The following DENND1B variants were observed in gnomAD, a reference collection of about 807,000 sequenced individuals.
The protein encoded by DENND1B is DENN domain containing 1B, also known as DENN domain-containing protein 1B.
Under a neutral mutation model 90.1 loss-of-function variants are expected in DENND1B, and 59 were observed. The ratio of observed to expected loss-of-function variants is 0.65; its 90% CI spans 0.53 to 0.81. The LOEUF (loss-of-function observed/expected upper bound fraction) is 0.81, where lower values mean the gene tolerates loss of function less well. DENND1B is among the 40% of genes least tolerant of loss of function. DENND1B has a pLI of 0.00. For missense variants in DENND1B, 862 were observed against 912.6 expected (o/e 0.94, Z 0.71); for synonymous variants, 337 against 324.6 (o/e 1.04, Z -0.41).
intron 20 of DENND1B, among the ~76,000 whole-genome samples, chr1:197,517,075 A>C (rs1459342841): frequency 6.6e-6 from 1 of 151,782 alleles, no homozygotes; most frequent in South Asian, 2.1e-4. Context: ...AGAGCTCTCT[A>C]TAAGTGGGAT....
At chr1:197,734,098 T>A in intron 2 of DENND1B, 1 of 962,812 alleles carries the variant, frequency 1.0e-6, no homozygotes, top group Non-Finnish European at 1.2e-6. Flanking sequence ...AAGGACCCAA[T>A]CAAAATGCAG....
chr1:197,513,335 T>C (rs1164789302), intron 20 of DENND1B, among the ~76,000 whole-genome samples: 2 of 151,654 alleles, frequency 1.3e-5, no homozygotes, highest in African/African-American at 4.8e-5. Flanking sequence ...TTGTTTCTTT[T>C]ATCCCCAGCC....
chr1:197,525,348 A>C (rs1167645105), intron 20 of DENND1B, among the ~76,000 whole-genome samples: 1 of 152,162 alleles, frequency 6.6e-6, no homozygotes, highest in Non-Finnish European at 1.5e-5. Flanking sequence ...TGCAAATACA[A>C]GTTTTATAAG....
chr1:197,646,311 T>C (rs1680728736), intron 8 of DENND1B, among the ~76,000 whole-genome samples: 1 of 151,990 alleles, frequency 6.6e-6, no homozygotes, highest in African/African-American at 2.4e-5. Context: ...GTTTAAAATT[T>C]CTTAAACACG....
intron 3 of DENND1B, among the ~76,000 whole-genome samples, chr1:197,713,879 T>TATATA (rs1491332455): frequency 0.19 from 80 of 422 alleles, 1 homozygote; most frequent in Non-Finnish European, 0.3. Flanking sequence ...TAACTATTGT[T>TATATA]ATATATAATA....
intron 5 of DENND1B, among the ~76,000 whole-genome samples, chr1:197,670,945 G>A (rs1290953573): frequency 6.6e-6 from 1 of 152,034 alleles, no homozygotes; most frequent in Admixed American, 6.6e-5. Context: ...AAGAGAGAAT[G>A]GGGGCACATT....
chr1:197,561,505 T>A (rs1475839902), intron 15 of DENND1B, among the ~76,000 whole-genome samples: 2 of 151,896 alleles, frequency 1.3e-5, no homozygotes, highest in African/African-American at 4.8e-5. Flanking sequence ...ACTTTTTCCT[T>A]TGGTAATCTC....
intron 10 of DENND1B, among the ~76,000 whole-genome samples, chr1:197,631,429 C>T (rs991075580): frequency 2.0e-5 from 3 of 151,904 alleles, no homozygotes; most frequent in Admixed American, 1.3e-4. Flanking sequence ...AGGACTAAAA[C>T]ACAAATCTCT....
chr1:197,762,270 A>AT (rs77728169), intron 2 of DENND1B, among the ~76,000 whole-genome samples: 3,584 of 145,140 alleles, frequency 0.025, 104 homozygotes, highest in African/African-American at 0.069. Flanking sequence ...ATTAGTCAGC[A>AT]TTTTTTTTTT....
intron 20 of DENND1B, among the ~76,000 whole-genome samples, chr1:197,519,164 A>T (rs1019809339): frequency 2.6e-5 from 4 of 152,000 alleles, no homozygotes; most frequent in Admixed American, 2.6e-4. Flanking sequence ...TCTTTTTCAG[A>T]TTGTCCTTTA....
At chr1:197,549,268 C>T (rs985043609) in intron 16 of DENND1B, among the ~76,000 whole-genome samples, 28 of 152,062 alleles carry the variant, frequency 1.8e-4, no homozygotes, top group African/African-American at 5.8e-4. Flanking sequence ...ACTCATTTAT[C>T]TCAAAATGTA....
rs370843811 is a variant in DENND1B, at chr1:197,674,155, A to G, written c.141T>C (p.Ser47=). ...CAAAGGGAAAACAGAACTTTGGCAC[A>G]CTCTGTAGTATTTCCTACAAATGGA... is the stretch of plus-strand genomic sequence containing the variant. ...EDFGDQEILQ[S]VPKFCFPFDV... The change falls in exon 4 of 23, where the codon AGT becomes AGC. Residue 47 remains serine, a synonymous_variant. Coordinates refer to ENST00000620048, the MANE Select transcript of DENND1B (RefSeq NM_001195215.2). The G allele has an allele frequency of 1.1e-5, 18 of 1,601,706 alleles. No individual in the cohort carries two copies. The Admixed American group carries it at 1.4e-4, about 12-fold the overall frequency.
intron 3 of DENND1B, among the ~76,000 whole-genome samples, chr1:197,677,609 T>A (rs1160413103): frequency 6.6e-6 from 1 of 152,164 alleles, no homozygotes; most frequent in Non-Finnish European, 1.5e-5. Flanking sequence ...AGAAAGAAGA[T>A]GAAGAGGTTT....
At chr1:197,607,039 T>C in intron 13 of DENND1B, 34 bp downstream of exon 13, 5 of 1,491,022 alleles carry the variant, frequency 3.4e-6, no homozygotes, top group Non-Finnish European at 4.6e-6. Context: ...GGAGAAAACA[T>C]ATATGTTCAC....
At chr1:197,663,860 A>C (rs1007372649) in intron 5 of DENND1B, among the ~76,000 whole-genome samples, 1 of 152,042 alleles carries the variant, frequency 6.6e-6, no homozygotes, top group Non-Finnish European at 1.5e-5. Flanking sequence ...CCTACCGACT[A>C]CTCACTTTCT....
At chr1:197,687,760 CA>C (rs1657405153) in intron 3 of DENND1B, among the ~76,000 whole-genome samples, 1 of 151,930 alleles carries the variant, frequency 6.6e-6, no homozygotes, top group African/African-American at 2.4e-5. Flanking sequence ...GAAACAAAGC[CA>C]AAATGCCTAT....
intron 13 of DENND1B, among the ~76,000 whole-genome samples, chr1:197,603,642 A>G (rs1253129873): frequency 1.3e-5 from 2 of 151,266 alleles, no homozygotes; most frequent in Non-Finnish European, 3.0e-5. Context: ...TAATATTCAT[A>G]TGAGAGAATT....
intron 11 of DENND1B, among the ~76,000 whole-genome samples, chr1:197,615,149 C>T (rs1677531850): frequency 6.6e-6 from 1 of 151,050 alleles, no homozygotes; most frequent in Non-Finnish European, 1.5e-5. Flanking sequence ...CATGTGTGCA[C>T]ATGTAAGTAT....
chr1:197,575,548 G>A (rs1558260691), intron 15 of DENND1B, among the ~76,000 whole-genome samples: 1 of 152,176 alleles, frequency 6.6e-6, no homozygotes, highest in Non-Finnish European at 1.5e-5. Context: ...TCTAGAACTA[G>A]AAATACCATT....
Sources: gnomAD v4.1 joint callset for allele counts (sites outside exome capture counted in the v4.1 genomes callset) on GRCh38, gnomAD v4.1.1 for gene constraint, MANE v1.5 for transcripts, NCBI Gene and HGNC (gene_info 2026-07-23, HGNC 2026-07-21) for gene names.